The following ROBO1 variants were observed in gnomAD, a reference collection of about 807,000 sequenced individuals.
ROBO1 encodes roundabout homolog 1.
ROBO1 carries 149 observed loss-of-function variants against 195.9 expected under a neutral mutation model. The observed-to-expected ratio is 0.76, with a 90% CI of 0.67 to 0.87. The LOEUF (loss-of-function observed/expected upper bound fraction) is 0.87. ROBO1 is among the 40% of genes least tolerant of loss of function. The pLI is 0.00. For missense variants in ROBO1, 1,933 were observed against 2,068.3 expected (o/e 0.93, Z 1.27); for synonymous variants, 816 against 733.2 (o/e 1.11, Z -1.82).
chr3:79,721,903 C>T (rs1206391419), intron 1 of ROBO1, among the ~76,000 whole-genome samples: 2 of 152,156 alleles, frequency 1.3e-5, no homozygotes, highest in African/African-American at 4.8e-5. Flanking sequence ...AAAAGTTTAT[C>T]AAGGTTAAAC....
chr3:78,899,542 G>A (rs1337549109), intron 4 of ROBO1, among the ~76,000 whole-genome samples: 2 of 152,230 alleles, frequency 1.3e-5, no homozygotes, highest in South Asian at 2.1e-4. Flanking sequence ...GGAAAACTGG[G>A]AATGTTTGCT....
intron 2 of ROBO1, among the ~76,000 whole-genome samples, chr3:79,213,484 G>T (rs1188104823): frequency 6.6e-6 from 1 of 151,968 alleles, no homozygotes; most frequent in Non-Finnish European, 1.5e-5. Flanking sequence ...TGATGTTGTT[G>T]TTTATGTTTA....
intron 2 of ROBO1, among the ~76,000 whole-genome samples, chr3:79,575,346 T>C (rs1316818953): frequency 6.7e-4 from 83 of 124,690 alleles, no homozygotes; most frequent in Non-Finnish European, 1.2e-3. Flanking sequence ...ATATAACCAA[T>C]ATATATAAAT....
At chr3:79,190,883 AT>A (rs1212773372) in intron 2 of ROBO1, among the ~76,000 whole-genome samples, 2 of 151,596 alleles carry the variant, frequency 1.3e-5, no homozygotes, top group East Asian at 3.9e-4. Flanking sequence ...ATGCAAAAAA[AT>A]CAAACTTAAA....
chr3:78,654,743 C>G (rs892908670), intron 18 of ROBO1, among the ~76,000 whole-genome samples: 1 of 152,098 alleles, frequency 6.6e-6, no homozygotes, highest in Non-Finnish European at 1.5e-5. Flanking sequence ...TTCAAGGAAA[C>G]CAATTTGGCC....
At chr3:78,895,830 T>C (rs1484410828) in intron 4 of ROBO1, among the ~76,000 whole-genome samples, 1 of 152,218 alleles carries the variant, frequency 6.6e-6, no homozygotes, top group African/African-American at 2.4e-5. Context: ...CAACATTTGA[T>C]GTATTTCAGA....
chr3:79,090,155 G>T (rs1407728437), intron 3 of ROBO1, among the ~76,000 whole-genome samples: 1 of 151,894 alleles, frequency 6.6e-6, no homozygotes, highest in African/African-American at 2.4e-5. Context: ...GGCCAGGCTG[G>T]TCTCGAACTC....
chr3:78,846,168 T>A (rs1027953338), intron 4 of ROBO1, among the ~76,000 whole-genome samples: 2 of 152,134 alleles, frequency 1.3e-5, no homozygotes, highest in Non-Finnish European at 2.9e-5. Flanking sequence ...CAAACAAAAC[T>A]GCAACATGGA....
chr3:78,722,676 G>A (rs961624145), intron 5 of ROBO1, among the ~76,000 whole-genome samples: 5 of 151,984 alleles, frequency 3.3e-5, no homozygotes, highest in Non-Finnish European at 5.9e-5. Flanking sequence ...AAATATATAC[G>A]AAAATGTGAC....
At chr3:78,663,351 A>T (rs1045861949) in intron 14 of ROBO1, among the ~76,000 whole-genome samples, 1 of 152,118 alleles carries the variant, frequency 6.6e-6, no homozygotes, top group African/African-American at 2.4e-5. Flanking sequence ...AACTGGGATA[A>T]TTCTGGCATC....
intron 1 of ROBO1, among the ~76,000 whole-genome samples, chr3:79,699,328 G>T (rs9873237): frequency 5.3e-5 from 8 of 151,014 alleles, no homozygotes; most frequent in South Asian, 2.1e-4. Context: ...CACAGGGAGC[G>T]CCCCCTACAT....
chr3:79,703,338 CA>C (rs1266173309), intron 1 of ROBO1, among the ~76,000 whole-genome samples: 2 of 151,622 alleles, frequency 1.3e-5, no homozygotes, highest in Non-Finnish European at 2.9e-5. Context: ...ACAATTTATA[CA>C]TCTTCCAAAA....
intron 2 of ROBO1, among the ~76,000 whole-genome samples, chr3:79,512,293 AC>A (rs1940747989): frequency 6.6e-6 from 1 of 152,188 alleles, no homozygotes; most frequent in Non-Finnish European, 1.5e-5. Flanking sequence ...ATGAAAAAAG[AC>A]CCAGTATTAT....
intron 1 of ROBO1, among the ~76,000 whole-genome samples, chr3:79,738,416 C>T (rs1213159686): frequency 2.0e-5 from 3 of 152,180 alleles, no homozygotes; most frequent in Non-Finnish European, 1.5e-5. Flanking sequence ...AACATTCCCT[C>T]CATCTTGGCC....
intron 2 of ROBO1, among the ~76,000 whole-genome samples, chr3:79,502,473 C>G (rs1016685191): frequency 6.6e-6 from 1 of 152,114 alleles, no homozygotes; most frequent in Non-Finnish European, 1.5e-5. Context: ...ACCTGTAGCC[C>G]GCCATGCCTG....
intron 3 of ROBO1, among the ~76,000 whole-genome samples, chr3:79,063,002 A>G (rs1382206032): frequency 6.6e-6 from 1 of 151,952 alleles, no homozygotes; most frequent in Non-Finnish European, 1.5e-5. Flanking sequence ...AGAAGAAGAA[A>G]AAAAATGACC....
intron 2 of ROBO1, among the ~76,000 whole-genome samples, chr3:79,300,285 C>G (rs915500586): frequency 6.6e-6 from 1 of 152,190 alleles, no homozygotes; most frequent in Admixed American, 6.5e-5. Flanking sequence ...TCCGGGTGGG[C>G]GTGGGCTTGG....
chr3:78,946,251 A>C (rs967381229), intron 3 of ROBO1, among the ~76,000 whole-genome samples: 9 of 152,298 alleles, frequency 5.9e-5, no homozygotes, highest in African/African-American at 1.9e-4. Context: ...TGAAGGAAAA[A>C]ATGTTAAGGG....
At chr3:79,734,042 G>A (rs1314519705) in intron 1 of ROBO1, among the ~76,000 whole-genome samples, 1 of 151,628 alleles carries the variant, frequency 6.6e-6, no homozygotes, top group Admixed American at 6.6e-5. Flanking sequence ...CCGCCTCCCG[G>A]GTTCAAGCAA....
Sources: allele counts gnomAD v4.1 joint callset (sites outside exome capture counted in the v4.1 genomes callset), GRCh38; gene constraint gnomAD v4.1.1; transcripts MANE v1.5; gene names NCBI Gene and HGNC (gene_info 2026-07-23, HGNC 2026-07-21).